GDPD5: variants seen among roughly 807,000 people sequenced by gnomAD.
GDPD5 encodes the protein glycerophosphodiester phosphodiesterase domain containing 5.
A neutral mutation model predicts 75.1 loss-of-function variants in GDPD5; 48 were observed. The observed-to-expected ratio is 0.64, with a 90% confidence interval of 0.51 to 0.81. GDPD5 has a LOEUF of 0.81. GDPD5 is among the 40% of genes least tolerant of loss of function. The probability of loss-of-function intolerance (pLI) is 0.00; values close to 1 mark genes in which losing one functional copy is unlikely to be tolerated. For missense variants in GDPD5, 706 were observed against 822.6 expected (o/e 0.86, Z 1.73); for synonymous variants, 336 against 339.0 (o/e 0.99, Z 0.10).
chr11:75,524,204 C>T (rs1026660561), intron 1 of GDPD5, among the ~76,000 whole-genome samples: 5 of 152,224 alleles, frequency 3.3e-5, no homozygotes, highest in Non-Finnish European at 7.3e-5. Flanking sequence ...TTCCCCTGCC[C>T]AGAAGAAAAT....
chr11:75,515,707 C>T (rs1310113652), intron 1 of GDPD5, among the ~76,000 whole-genome samples: 1 of 152,232 alleles, frequency 6.6e-6, no homozygotes, highest in Non-Finnish European at 1.5e-5. Context: ...AGGGCTGGGG[C>T]CGCTGCTCTG....
At chr11:75,524,485 G>A (rs944402399) in intron 1 of GDPD5, among the ~76,000 whole-genome samples, 10 of 152,182 alleles carry the variant, frequency 6.6e-5, no homozygotes, top group African/African-American at 2.2e-4. Context: ...CACTCCCTTC[G>A]GGTGGGCCTC....
At chr11:75,479,342 C>T (rs1949851874) in intron 2 of GDPD5, 1 of 152,192 alleles carries the variant, frequency 6.6e-6, no homozygotes, top group South Asian at 2.1e-4. Context: ...GAAACTCAGT[C>T]ATATGTTCTG....
At position 75,448,960 on chromosome 11, in the gene GDPD5, C is replaced by G. The variant is rs777997130; in HGVS notation, c.714+17G>C. 2.3e-5 allele frequency: 36 copies of G among 1,552,070 alleles called. No individual in the cohort carries two copies. Among genetic ancestry groups the G allele is most frequent in the Admixed American group, 1.8e-4 (8 of 43,618 alleles). ...CCCACCCCAACGGGGCTGTTAGGACCCTGAGGTGGCACTCACCATGGGGGC... is the reference window on the plus strand; with the variant it reads ...CCCACCCCAACGGGGCTGTTAGGACGCTGAGGTGGCACTCACCATGGGGGC... On this transcript the variant is annotated intron_variant, in intron 9 of 16. Transcript: ENST00000336898.
chr11:75,510,722 G>T (rs575938682), intron 1 of GDPD5, among the ~76,000 whole-genome samples: 26 of 149,674 alleles, frequency 1.7e-4, no homozygotes, highest in African/African-American at 6.4e-4. Context: ...GAGACTGATG[G>T]ACCCCAGGAG....
intron 1 of GDPD5, among the ~76,000 whole-genome samples, chr11:75,506,025 T>C (rs1950390519): frequency 6.6e-6 from 1 of 152,180 alleles, no homozygotes; most frequent in Non-Finnish European, 1.5e-5. Context: ...CTCCGCCAAG[T>C]ACCAGCTGGG....
intron 6 of GDPD5, chr11:75,451,883 T>G (rs1364493220): frequency 1.3e-5 from 2 of 152,198 alleles, no homozygotes; most frequent in African/African-American, 4.8e-5. Flanking sequence ...TTCCCTACCT[T>G]GCATCATTAA....
intron 10 of GDPD5, 90 bp from the exon 11 acceptor site, chr11:75,443,376 C>T (rs1016910861): frequency 1.4e-6 from 2 of 1,440,924 alleles, no homozygotes; most frequent in Non-Finnish European, 1.9e-6. Context: ...TCCTCCCCAC[C>T]CAGCACAGGA....
intron 1 of GDPD5, among the ~76,000 whole-genome samples, chr11:75,511,452 A>G (rs769205112): frequency 2.6e-5 from 4 of 152,172 alleles, no homozygotes; most frequent in African/African-American, 4.8e-5. Context: ...ATTCGTATTA[A>G]TACATTAAAG....
At chr11:75,469,141 C>T (rs1949598353) in intron 3 of GDPD5, among the ~76,000 whole-genome samples, 1 of 152,214 alleles carries the variant, frequency 6.6e-6, no homozygotes, top group South Asian at 2.1e-4. Context: ...CAACCCAGGG[C>T]GGGTGCCATG....
intron 3 of GDPD5, among the ~76,000 whole-genome samples, chr11:75,474,108 G>A (rs1949731635): frequency 6.6e-6 from 1 of 152,252 alleles, no homozygotes; most frequent in South Asian, 2.1e-4. Flanking sequence ...AGTGGGGTCA[G>A]TGCAGGCTGT....
chr11:75,516,163 G>A (rs1189424598), intron 1 of GDPD5: 1 of 152,384 alleles, frequency 6.6e-6, no homozygotes, highest in African/African-American at 2.4e-5. Context: ...GCATAAATGG[G>A]GGACTGAAGG....
chr11:75,467,320 C>T (rs191959599), intron 3 of GDPD5, among the ~76,000 whole-genome samples: 174 of 152,276 alleles, frequency 1.1e-3, no homozygotes, highest in African/African-American at 3.9e-3. Flanking sequence ...ACACAGTGGG[C>T]GCATAATGAG....
intron 14 of GDPD5, 50 bp from the exon 15 acceptor site, chr11:75,440,011 T>C: frequency 1.4e-6 from 2 of 1,446,266 alleles, no homozygotes; most frequent in Non-Finnish European, 1.9e-6. Context: ...CAGTCCAGAC[T>C]GAGGCTCCAG....
chr11:75,436,239 G>A (rs1948621643), intron 16 of GDPD5, among the ~76,000 whole-genome samples: 2 of 152,192 alleles, frequency 1.3e-5, no homozygotes, highest in Non-Finnish European at 2.9e-5. Flanking sequence ...GCTCTGCTGA[G>A]TGGAGTTCGG....
Position 75,443,281 on chromosome 11 carries a change from T to G in GDPD5, c.803A>C (p.Asp268Ala). 1.2e-6 allele frequency: 2 copies of G among 1,607,538 alleles called. No homozygotes were observed. Among genetic ancestry groups the G allele is most frequent in the Non-Finnish European group, 1.7e-6 (2 of 1,178,014 alleles). ...GTCATGCATGAGGAAGGGCACGCCG[T>G]CCAGGCTGCAGGGAGGGTGGGGCCA... is the stretch of plus-strand genomic sequence containing the variant. ...GLQADITISL[D>A]GVPFLMHDTT... Residue 268 changes from aspartate (D) to alanine (A), a missense_variant, in exon 11 of 17, where the codon GAC becomes GCC. Asp to Ala is a moderately radical substitution (Grantham distance 126). Transcript: ENST00000336898.
intron 3 of GDPD5, among the ~76,000 whole-genome samples, chr11:75,465,136 C>T (rs1021349895): frequency 9.9e-5 from 15 of 152,234 alleles, no homozygotes; most frequent in African/African-American, 2.7e-4. Flanking sequence ...CATCTGGTCA[C>T]GTCATACCCC....
chr11:75,447,558 CCTT>C (rs1949018497), intron 9 of GDPD5, among the ~76,000 whole-genome samples: 1 of 152,166 alleles, frequency 6.6e-6, no homozygotes, highest in African/African-American at 2.4e-5. Flanking sequence ...TTCATTACAT[CCTT>C]CTTCATTATG....
At chr11:75,485,407 A>G (rs1353691466) in intron 2 of GDPD5, 17 of 152,184 alleles carry the variant, frequency 1.1e-4, no homozygotes, top group Admixed American at 1.1e-3. Context: ...AATAAGCCAG[A>G]CTATGGGGAG....
Sources: gnomAD v4.1 joint callset for allele counts (sites outside exome capture counted in the v4.1 genomes callset) on GRCh38, gnomAD v4.1.1 for gene constraint, MANE v1.5 for transcripts, NCBI Gene and HGNC (gene_info 2026-07-23, HGNC 2026-07-21) for gene names.